The following LOC128462377 variants were observed in gnomAD, a reference collection of about 807,000 sequenced individuals.
the LOC128462377 span, among the ~76,000 whole-genome samples, chr16:89,352,273 ATCTCAC>A: frequency 1.5e-4 from 23 of 152,098 alleles, no homozygotes; most frequent in East Asian, 3.3e-3. Context: ...TAAGGACTGG[ATCTCAC>A]AGTGGCCAGG....
At chr16:89,337,006 C>T in the LOC128462377 span, among the ~76,000 whole-genome samples, 3 of 39,720 alleles carry the variant, frequency 7.6e-5, no homozygotes, top group Non-Finnish European at 1.6e-4. Context: ...CCTGGCTCTA[C>T]CAAAAAAAAA....
chr16:89,343,303 T>C, the LOC128462377 span, among the ~76,000 whole-genome samples: 1 of 152,208 alleles, frequency 6.6e-6, no homozygotes, highest in Non-Finnish European at 1.5e-5. Context: ...TGAGCGCATT[T>C]TTTAAAAAGC....
At chr16:89,366,391 A>G in the LOC128462377 span, among the ~76,000 whole-genome samples, 5 of 152,190 alleles carry the variant, frequency 3.3e-5, no homozygotes, top group African/African-American at 1.2e-4. Context: ...TTTAGCTCTT[A>G]GAGGAATCGC....
the LOC128462377 span, among the ~76,000 whole-genome samples, chr16:89,366,607 G>A: frequency 6.6e-6 from 1 of 152,236 alleles, no homozygotes; most frequent in Admixed American, 6.5e-5. Context: ...GCAGACTCTT[G>A]TTGAAAAGGC....
chr16:89,339,262 T>G, the LOC128462377 span, among the ~76,000 whole-genome samples: 11 of 152,236 alleles, frequency 7.2e-5, no homozygotes, highest in African/African-American at 2.7e-4. Flanking sequence ...AAATCATGCA[T>G]TAGGCAATAG....
At chr16:89,374,676 A>G in the LOC128462377 span, among the ~76,000 whole-genome samples, 1 of 152,224 alleles carries the variant, frequency 6.6e-6, no homozygotes, top group Non-Finnish European at 1.5e-5. Context: ...GCTCCTCCAG[A>G]GAGCATCGGG....
At chr16:89,397,870 C>T in the LOC128462377 span, among the ~76,000 whole-genome samples, 1 of 152,230 alleles carries the variant, frequency 6.6e-6, no homozygotes, top group Non-Finnish European at 1.5e-5. Flanking sequence ...CACAAACCTT[C>T]GTCCTGGGCA....
the LOC128462377 span, among the ~76,000 whole-genome samples, chr16:89,384,266 C>A: frequency 6.6e-6 from 1 of 152,144 alleles, no homozygotes; most frequent in South Asian, 2.1e-4. Context: ...CACGGTGGCT[C>A]ACGCCTGTAA....
the LOC128462377 span, chr16:89,322,981 G>A: frequency 7.0e-6 from 2 of 285,126 alleles, no homozygotes; most frequent in Non-Finnish European, 1.4e-5. Context: ...GTAGCTGGGA[G>A]TACAGGCCCG....
chr16:89,389,242 C>T, the LOC128462377 span, among the ~76,000 whole-genome samples: 1 of 151,730 alleles, frequency 6.6e-6, no homozygotes, highest in South Asian at 2.1e-4. Flanking sequence ...CCAGTCTGGT[C>T]TCAAACTCCT....
the LOC128462377 span, among the ~76,000 whole-genome samples, chr16:89,343,425 A>G: frequency 6.6e-6 from 1 of 152,232 alleles, no homozygotes; most frequent in South Asian, 2.1e-4. Flanking sequence ...ATCAGCTCAG[A>G]TTTGTGTTTT....
At chr16:89,382,202 T>C in the LOC128462377 span, among the ~76,000 whole-genome samples, 1 of 151,952 alleles carries the variant, frequency 6.6e-6, no homozygotes, top group African/African-American at 2.4e-5. Context: ...ACCCATCAAA[T>C]GGATTTAAGG....
chr16:89,344,647 G>A, the LOC128462377 span, among the ~76,000 whole-genome samples: 2 of 152,196 alleles, frequency 1.3e-5, no homozygotes, highest in Admixed American at 1.3e-4. Context: ...AAGAAAGAGG[G>A]CCAGAAATGA....
chr16:89,386,419 G>A, the LOC128462377 span, among the ~76,000 whole-genome samples: 14 of 152,102 alleles, frequency 9.2e-5, no homozygotes, highest in South Asian at 2.1e-4. Context: ...CCAAGGAGAC[G>A]CCAGAAACCC....
chr16:89,358,668 G>A, the LOC128462377 span, among the ~76,000 whole-genome samples: 2 of 152,208 alleles, frequency 1.3e-5, no homozygotes, highest in Admixed American at 6.5e-5. Flanking sequence ...GATGCTGCCT[G>A]CAGCTCATTT....
At chr16:89,409,132 C>T in the LOC128462377 span, among the ~76,000 whole-genome samples, 1 of 152,194 alleles carries the variant, frequency 6.6e-6, no homozygotes, top group African/African-American at 2.4e-5. Flanking sequence ...GTATCAGGCC[C>T]CTCAAAGAGC....
At chr16:89,390,863 T>C in the LOC128462377 span, among the ~76,000 whole-genome samples, 10 of 152,172 alleles carry the variant, frequency 6.6e-5, no homozygotes, top group African/African-American at 2.4e-4. Context: ...TGCATATCCT[T>C]TGCAAAATCC....
At chr16:89,322,248 C>A in the LOC128462377 span, among the ~76,000 whole-genome samples, 24 of 152,220 alleles carry the variant, frequency 1.6e-4, no homozygotes, top group Non-Finnish European at 3.4e-4. Flanking sequence ...TCTCCCTGAA[C>A]AGATGTGACA....
chr16:89,363,260 T>C, the LOC128462377 span, among the ~76,000 whole-genome samples: 1 of 152,206 alleles, frequency 6.6e-6, no homozygotes, highest in Non-Finnish European at 1.5e-5. Flanking sequence ...CTCTGCCTTC[T>C]GAAGCAGTCT....
Sources: allele counts gnomAD v4.1 joint callset (sites outside exome capture counted in the v4.1 genomes callset), GRCh38; gene constraint gnomAD v4.1.1; transcripts MANE v1.5.